MED27: variants seen among roughly 807,000 people sequenced by gnomAD.
The protein encoded by MED27 is mediator complex subunit 27, also known as mediator of RNA polymerase II transcription subunit 27.
A neutral mutation model predicts 38.2 loss-of-function variants in MED27; 30 were observed. The observed-to-expected ratio is 0.79, with a 90% CI of 0.59 to 1.07. The LOEUF (loss-of-function observed/expected upper bound fraction) is 1.07. MED27 is among the 50% of genes least tolerant of loss of function. MED27 has a pLI of 0.00. For synonymous variants in MED27, 122 were observed against 153.5 expected (o/e 0.79, Z 1.52); for missense variants, 289 against 397.5 (o/e 0.73, Z 2.32).
At chr9:132,028,663 G>C (rs1193353680) in intron 2 of MED27, among the ~76,000 whole-genome samples, 14 of 152,200 alleles carry the variant, frequency 9.2e-5, no homozygotes, top group Non-Finnish European at 1.5e-5. Context: ...ACAATTGGGG[G>C]AGAGGTGTCA....
intron 2 of MED27, among the ~76,000 whole-genome samples, chr9:132,053,372 A>G (rs1443598078): frequency 6.6e-6 from 1 of 152,128 alleles, no homozygotes; most frequent in African/African-American, 2.4e-5. Flanking sequence ...TTTTGTTAGG[A>G]TGAGCACCAA....
intron 3 of MED27, among the ~76,000 whole-genome samples, chr9:131,989,745 T>C (rs1442114148): frequency 6.6e-6 from 1 of 151,842 alleles, no homozygotes; most frequent in African/African-American, 2.4e-5. Flanking sequence ...GTTGCCATCC[T>C]GTTTCATGTA....
chr9:131,907,410 G>C (rs1830087410), intron 4 of MED27, among the ~76,000 whole-genome samples: 1 of 152,186 alleles, frequency 6.6e-6, no homozygotes, highest in Non-Finnish European at 1.5e-5. Flanking sequence ...GGTGGAGACG[G>C]GGTTTCGCCG....
chr9:132,005,409 C>T (rs1401314727), intron 3 of MED27, among the ~76,000 whole-genome samples: 2 of 152,160 alleles, frequency 1.3e-5, no homozygotes, highest in East Asian at 1.9e-4. Context: ...TGAGAGTGTA[C>T]GCTGGCTTCA....
chr9:131,953,919 G>C (rs928175577), intron 3 of MED27, among the ~76,000 whole-genome samples: 4 of 151,230 alleles, frequency 2.6e-5, no homozygotes, highest in African/African-American at 9.7e-5. Context: ...CCGGGTTCAA[G>C]TGATTCTTGT....
At chr9:131,914,920 G>A (rs914167572) in intron 4 of MED27, among the ~76,000 whole-genome samples, 4 of 152,170 alleles carry the variant, frequency 2.6e-5, no homozygotes, top group East Asian at 1.9e-4. Flanking sequence ...GGAGAAAGAC[G>A]AGGCAAGGAC....
intron 2 of MED27, among the ~76,000 whole-genome samples, chr9:132,038,263 C>G (rs1457144623): frequency 6.9e-6 from 1 of 144,336 alleles, no homozygotes; most frequent in Non-Finnish European, 1.5e-5. Flanking sequence ...GGGATCTCGG[C>G]TCACTGCAAG....
intron 2 of MED27, among the ~76,000 whole-genome samples, chr9:132,035,717 C>A (rs1436116166): frequency 6.6e-6 from 1 of 152,188 alleles, no homozygotes; most frequent in Admixed American, 6.5e-5. Flanking sequence ...CACCCCGGCA[C>A]TTTTGGAGGC....
chr9:132,029,232 A>G (rs1832895797), intron 2 of MED27, among the ~76,000 whole-genome samples: 4 of 152,240 alleles, frequency 2.6e-5, no homozygotes, highest in African/African-American at 9.6e-5. Flanking sequence ...ACCCTACTCT[A>G]GTACCAAGTT....
chr9:132,049,660 T>C (rs950469125), intron 2 of MED27, among the ~76,000 whole-genome samples: 7 of 152,136 alleles, frequency 4.6e-5, no homozygotes, highest in Non-Finnish European at 1.0e-4. Flanking sequence ...ATAGAGAACT[T>C]GGGCCTGGAC....
At chr9:131,906,359 T>G (rs1830061956) in intron 4 of MED27, among the ~76,000 whole-genome samples, 1 of 152,208 alleles carries the variant, frequency 6.6e-6, no homozygotes, top group Non-Finnish European at 1.5e-5. Flanking sequence ...ACCTACTGGG[T>G]AAGACAAGGT....
chr9:131,979,530 T>C (rs1361499738), intron 3 of MED27, among the ~76,000 whole-genome samples: 1 of 151,446 alleles, frequency 6.6e-6, no homozygotes, highest in Non-Finnish European at 1.5e-5. Context: ...ATCTGGATTT[T>C]AGTACTGAAA....
At chr9:131,879,903 C>T (rs1839006040) in intron 6 of MED27, among the ~76,000 whole-genome samples, 3 of 152,198 alleles carry the variant, frequency 2.0e-5, no homozygotes, top group Admixed American at 1.3e-4. Flanking sequence ...TCCTAAAAAG[C>T]GGAGTTTAGA....
chr9:131,999,133 T>G (rs560688513), intron 3 of MED27, among the ~76,000 whole-genome samples: 26 of 152,284 alleles, frequency 1.7e-4, no homozygotes, highest in African/African-American at 6.3e-4. Flanking sequence ...GAACTCCCTG[T>G]GTGGGGACCT....
intron 3 of MED27, among the ~76,000 whole-genome samples, chr9:131,962,312 C>A (rs944181721): frequency 2.0e-5 from 3 of 152,232 alleles, no homozygotes; most frequent in Admixed American, 2.0e-4. Context: ...TCACAACTCA[C>A]TGCAACCTCC....
chr9:132,015,017 C>G (rs544148150), intron 2 of MED27, among the ~76,000 whole-genome samples: 1 of 152,290 alleles, frequency 6.6e-6, no homozygotes, highest in South Asian at 2.1e-4. Flanking sequence ...CTTGCTACCA[C>G]CATATCTTGC....
intron 4 of MED27, among the ~76,000 whole-genome samples, chr9:131,895,572 C>T (rs1829818622): frequency 6.6e-6 from 1 of 152,186 alleles, no homozygotes; most frequent in Non-Finnish European, 1.5e-5. Context: ...TAATTTCAAG[C>T]GTTAGGTTGA....
In MED27 at chr9:131,913,944, C is replaced by CTTCA. The variant is rs35699422; in HGVS notation, c.574-19956_574-19953dup. Among the ~76,000 whole-genome samples, 50,394 of 151,734 alleles carry CTTCA rather than the reference C, an allele frequency of 0.33. 8,394 individuals carry two copies. The highest frequency in any genetic ancestry group is 0.44 in the East Asian group (2,266 of 5,152). On this transcript the variant is annotated intron_variant, in intron 4 of 7. Coordinates refer to ENST00000292035, the MANE Select transcript of MED27 (RefSeq NM_004269.4). This position sits in a 1 kb window ranked among gnomAD's most constrained non-coding sequence, Gnocchi z 4.5. ...TCTAGCGCTTGCTTGTACCGCTTGT[C>CTTCA]TTCATTCATTCATTCAACAGCTCTT... is the stretch of plus-strand genomic sequence containing the variant.
intron 3 of MED27, among the ~76,000 whole-genome samples, chr9:132,006,760 G>GC (rs1483239231): frequency 6.6e-6 from 1 of 152,126 alleles, no homozygotes; most frequent in Non-Finnish European, 1.5e-5. Flanking sequence ...CTTCATCCTG[G>GC]CAAGTGTTTG....
Sources: gnomAD v4.1 joint callset for allele counts (sites outside exome capture counted in the v4.1 genomes callset) on GRCh38, gnomAD v4.1.1 for gene constraint, Gnocchi (gnomAD v3.1) non-coding constraint, MANE v1.5 for transcripts, NCBI Gene and HGNC (gene_info 2026-07-23, HGNC 2026-07-21) for gene names.